Variants in OTX1 observed in about 807,000 individuals in gnomAD.
OTX1 encodes the protein orthodenticle homeobox 1.
OTX1 carries 7 observed loss-of-function variants against 26.7 expected under a neutral mutation model. The observed-to-expected ratio is 0.26, with a 90% CI of 0.15 to 0.49. OTX1 has a LOEUF of 0.49. Among genes scored for constraint, OTX1 ranks in the 20% least tolerant of loss-of-function variants. The probability of loss-of-function intolerance (pLI) is 0.98; values close to 1 mark genes in which losing one functional copy is unlikely to be tolerated. For missense variants in OTX1, 414 were observed against 483.8 expected (o/e 0.86, Z 1.35); for synonymous variants, 216 against 212.8 (o/e 1.01, Z -0.13).
chr2:63,055,945 G>T lies in OTX1; in HGVS notation c.694G>T (p.Gly232Cys), dbSNP rs762307565. Residue 232 changes from glycine to cysteine, a missense_variant, in exon 5 of 5, where the codon GGC becomes TGC. Transcript: ENST00000282549. The surrounding 1 kb of genome is among the most constrained non-coding windows in gnomAD (Gnocchi z 5.2). ...GTCCTACGGCCAGGGCGGCAGCTAC[G>T]GCCAAGGCTACCCTACGCCCTCCTC... Reference protein sequence around the residue: ...PMSYGQGGSYGQGYPTPSSSY... With the variant: ...PMSYGQGGSYCQGYPTPSSSY... 6.2e-7 allele frequency: 1 copy of T among 1,612,920 alleles called. No homozygotes were observed. The highest frequency in any genetic ancestry group is 1.3e-5 in the African/African-American group (1 of 74,912).
At position 63,053,098 on chromosome 2, in the gene OTX1, G is replaced by C. The variant is rs770403425; in HGVS notation, c.97+11G>C. ...CCGTGGGCTATCCGGGTGAGCACCA[G>C]CCCTCCCGACCCTGCCTCAGCCTCT... On this transcript the variant is annotated intron_variant, in intron 3 of 4. Coordinates refer to ENST00000282549, the MANE Select transcript of OTX1 (RefSeq NM_014562.4). 1 of 1,544,706 alleles carries C rather than the reference G, an allele frequency of 6.5e-7. No homozygotes were observed. Among genetic ancestry groups the C allele is most frequent in the South Asian group, 1.2e-5 (1 of 84,954 alleles).
chr2:63,054,466 G>A (rs2062049370), intron 4 of OTX1, among the ~76,000 whole-genome samples: 1 of 152,266 alleles, frequency 6.6e-6, no homozygotes, highest in Non-Finnish European at 1.5e-5. Context: ...AGAATTGCCG[G>A]AGGACTAGGG....
chr2:63,050,449 C>T (rs2062016657), upstream of OTX1, among the ~76,000 whole-genome samples: 1 of 152,162 alleles, frequency 6.6e-6, no homozygotes, highest in African/African-American at 2.4e-5. Flanking sequence ...AACCGGTTCT[C>T]CAGCACCTCG....
At chr2:63,050,522 A>T (rs2062017699), upstream of OTX1, among the ~76,000 whole-genome samples, 1 of 151,942 alleles carries the variant, frequency 6.6e-6, no homozygotes, top group Non-Finnish European at 1.5e-5. Context: ...CGCCCAGGGC[A>T]GGCCTGGAGA....
chr2:63,055,839 A>C lies in OTX1; in HGVS notation c.588A>C (p.Pro196=), dbSNP rs747900809. Residue 196 remains proline (P), a synonymous_variant, in exon 5 of 5, where the codon CCA becomes CCC. Coordinates refer to ENST00000282549, the MANE Select transcript of OTX1 (RefSeq NM_014562.4). The surrounding 1 kb of genome is among the most constrained non-coding windows in gnomAD (Gnocchi z 5.2). ...CCGCGTCCGTGTCGGTGCCGGAGCC[A>C]TTGGCCGCGCCTAGCAACACCTCGT... ...SAPASVSVPE[P]LAAPSNTSCM... 1 of 1,612,214 alleles carries C rather than the reference A, an allele frequency of 6.2e-7. No individual in the cohort carries two copies.
intron 2 of OTX1, among the ~76,000 whole-genome samples, chr2:63,052,625 C>T (rs1473745226): frequency 6.6e-6 from 1 of 152,320 alleles, no homozygotes; most frequent in South Asian, 2.1e-4. Context: ...ACCTCCCCAG[C>T]CTGGCCCTGC....
chr2:63,054,316 C>T (rs1386579098), intron 4 of OTX1, 118 bp downstream of exon 4: 23 of 1,028,750 alleles, frequency 2.2e-5, no homozygotes, highest in Non-Finnish European at 3.0e-5. Flanking sequence ...GGCTTACAGA[C>T]TGGGCAGCCG....
At chr2:63,052,441 G>C (rs2062032921) in intron 2 of OTX1, among the ~76,000 whole-genome samples, 1 of 152,378 alleles carries the variant, frequency 6.6e-6, no homozygotes, top group African/African-American at 2.4e-5. Context: ...GCCCTTTGTA[G>C]TCTCTACCTT....
At position 63,057,070 on chromosome 2, in the gene OTX1, G is replaced by T. The variant is rs2062073883; in HGVS notation, c.*754G>T. On this transcript the variant is annotated 3_prime_UTR_variant, in exon 5 of 5. Coordinates refer to ENST00000282549, the MANE Select transcript of OTX1 (RefSeq NM_014562.4). ...TTAAACTTTTTAGTTGCTGTTGGTT[G>T]GTTGAACTGAACATATCTTGTCTTA... 6.6e-6 allele frequency: 1 copy of T among 152,032 alleles called. No homozygotes were observed. The highest frequency in any genetic ancestry group is 2.4e-5 in the African/African-American group (1 of 41,350). The allele number at this position is 152,032 out of a possible 1,614,324, so 9.4% of individuals were successfully genotyped here.
Position 63,056,459 on chromosome 2 carries a change from C to A in OTX1, c.*143C>A, listed in dbSNP as rs560531096. ...CCCCCAAAAAGATGTCCATTGCCTG[C>A]ACTGCCGCCCCCATTTTTGTGCCAC... On this transcript the variant is annotated 3_prime_UTR_variant, in exon 5 of 5. Transcript: ENST00000282549. The A allele has an allele frequency of 8.1e-6, 6 of 744,846 alleles. No homozygotes were observed. In the East Asian group the frequency reaches 1.6e-4, roughly 20 times the overall value. The allele number at this position is 744,846 out of a possible 1,614,324, so 46.1% of individuals were successfully genotyped here. A position where few individuals can be genotyped will look rare whatever the true frequency, so the allele number is the denominator to read the frequency against.
At position 63,055,934 on chromosome 2, in the gene OTX1, G is replaced by A. The variant is rs1228454899; in HGVS notation, c.683G>A (p.Gly228Asp). The change falls in exon 5 of 5, where the codon GGC becomes GAC. Residue 228 changes from glycine (G) to aspartate (D), a missense_variant. Transcript: ENST00000282549. This position sits in a 1 kb window ranked among gnomAD's most constrained non-coding sequence, Gnocchi z 5.2. Reference sequence around the variant, plus strand: ...TCTTATCCCATGTCCTACGGCCAGGGCGGCAGCTACGGCCAAGGCTACCCT... The same window carrying A: ...TCTTATCCCATGTCCTACGGCCAGGACGGCAGCTACGGCCAAGGCTACCCT... ...AASYPMSYGQ[G>D]GSYGQGYPTP... is the part of the protein sequence containing the mutation. 3 of 1,612,716 alleles carry A rather than the reference G, an allele frequency of 1.9e-6. No individual in the cohort carries two copies. Among genetic ancestry groups the A allele is most frequent in the Non-Finnish European group, 2.5e-6 (3 of 1,180,034 alleles).
Position 63,052,951 on chromosome 2 carries a change from C to T in OTX1, c.-40C>T. 1 of 1,410,316 alleles carries T rather than the reference C, an allele frequency of 7.1e-7. No individual in the cohort carries two copies. 87.4% of individuals were successfully genotyped at this position (1,410,316 alleles called of 1,614,324 possible). The stretch of plus-strand genomic sequence containing the variant: ...GCCCTGCACCGCTCCTGGCCCCGGG[C>T]CCCCTGGATCCGTCGGGGCGCCTCC... On this transcript the variant is annotated 5_prime_UTR_variant, in exon 3 of 5. Transcript: ENST00000282549.
rs546056625 is a variant in OTX1 at position 63,052,894 on chromosome 2, CG to C, written c.-96del. The C allele has an allele frequency of 1.7e-4, 129 of 737,408 alleles. 4 individuals are homozygous for C. The South Asian group carries it at 2.1e-3, about 12-fold the overall frequency. 45.7% of individuals were successfully genotyped at this position (737,408 alleles called of 1,614,324 possible). On this transcript the variant is annotated 5_prime_UTR_variant, in exon 3 of 5. Transcript: ENST00000282549. The stretch of plus-strand genomic sequence containing the variant: ...TGTCTTCATAGGCCAGGCCCCCAGA[CG>C]CATCAGACCCTGAAGGACTGCGTGG...
At chr2:63,054,465 G>T (rs939746869) in intron 4 of OTX1, among the ~76,000 whole-genome samples, 1 of 152,242 alleles carries the variant, frequency 6.6e-6, no homozygotes, top group Non-Finnish European at 1.5e-5. Flanking sequence ...TAGAATTGCC[G>T]GAGGACTAGG....
rs993845232 is a variant in OTX1 at position 63,056,969 on chromosome 2, C to G, written c.*653C>G. ...CCGCGCACAGAGCCGCATCCCGCCCCGCCCTGCGCTGGACTGGTTCAAGCT... is the reference window on the plus strand; with the variant it reads ...CCGCGCACAGAGCCGCATCCCGCCCGGCCCTGCGCTGGACTGGTTCAAGCT... On this transcript the variant is annotated 3_prime_UTR_variant, in exon 5 of 5. Coordinates refer to ENST00000282549, the MANE Select transcript of OTX1 (RefSeq NM_014562.4). 1.3e-5 allele frequency: 2 copies of G among 152,566 alleles called. No homozygotes were observed. The highest frequency in any genetic ancestry group is 4.8e-5 in the African/African-American group (2 of 41,444). 9.5% of individuals were successfully genotyped at this position (152,566 alleles called of 1,614,324 possible).
Position 63,056,308 on chromosome 2 carries a change from G to C in OTX1, c.1057G>C (p.Val353Leu). 2 of 1,610,492 alleles carry C rather than the reference G, an allele frequency of 1.2e-6. No individual in the cohort carries two copies. The highest frequency in any genetic ancestry group is 2.2e-5 in the South Asian group (2 of 90,956). ...YKDQASWRFQ[V>L]L is the part of the protein sequence containing the mutation. ...GGACCAAGCCTCATGGCGGTTCCAG[G>C]TCTTGTGAGCCCAGGAATGAAAGAG... is the stretch of plus-strand genomic sequence containing the variant. Residue 353 changes from valine to leucine, a missense_variant, in exon 5 of 5, where the codon GTC (valine) becomes CTC (leucine). Physicochemically the swap from Val to Leu is conservative, Grantham distance 32 (BLOSUM62 1). Coordinates refer to ENST00000282549, the MANE Select transcript of OTX1 (RefSeq NM_014562.4).
rs2062053952 is a variant in OTX1 at position 63,055,138 on chromosome 2, A to T, written c.250-363A>T. Reference sequence around the variant, plus strand: ...AGTAGAAAACTGGGCCTCCAAACACACACGGGGCCTCCAAACATACACGGA... The same window carrying T: ...AGTAGAAAACTGGGCCTCCAAACACTCACGGGGCCTCCAAACATACACGGA... On this transcript the variant is annotated intron_variant, in intron 4 of 4. Transcript: ENST00000282549. This position sits in a 1 kb window ranked among gnomAD's most constrained non-coding sequence, Gnocchi z 5.2. Among the ~76,000 whole-genome samples, 6 of 152,190 alleles carry T rather than the reference A, an allele frequency of 3.9e-5. No homozygotes were observed.
chr2:63,054,549 A>C (rs2062049837), intron 4 of OTX1, among the ~76,000 whole-genome samples: 1 of 152,190 alleles, frequency 6.6e-6, no homozygotes. Flanking sequence ...AGGACTTGGC[A>C]GTTTCCCTTA....
At position 63,052,887 on chromosome 2, in the gene OTX1, C is replaced by T. The variant is rs879297575; in HGVS notation, c.-104C>T. The T allele has an allele frequency of 5.6e-6, 4 of 714,608 alleles. No homozygotes were observed. Among genetic ancestry groups the T allele is most frequent in the Admixed American group, 4.7e-5 (2 of 42,676 alleles). 44.3% of individuals were successfully genotyped at this position (714,608 alleles called of 1,614,324 possible). A position where few individuals can be genotyped will look rare whatever the true frequency, so the allele number is the denominator to read the frequency against. On this transcript the variant is annotated 5_prime_UTR_variant, in exon 3 of 5. Transcript: ENST00000282549. Reference sequence around the variant, plus strand: ...TGTCTCGTGTCTTCATAGGCCAGGCCCCCAGACGCATCAGACCCTGAAGGA... The same window carrying T: ...TGTCTCGTGTCTTCATAGGCCAGGCTCCCAGACGCATCAGACCCTGAAGGA...
Sources: allele counts gnomAD v4.1 joint callset (sites outside exome capture counted in the v4.1 genomes callset), GRCh38; gene constraint gnomAD v4.1.1; non-coding constraint Gnocchi (gnomAD v3.1); transcripts MANE v1.5; gene names NCBI Gene and HGNC (gene_info 2026-07-23, HGNC 2026-07-21).